The following SGSM3 variants were observed in gnomAD, a reference collection of about 807,000 sequenced individuals.
SGSM3 encodes the protein small G protein signaling modulator 3, also known as RUN and SH3 containing 3.
A neutral mutation model predicts 100.5 loss-of-function variants in SGSM3; 96 were observed. The observed-to-expected ratio is 0.96, with a 90% CI of 0.81 to 1.13. SGSM3 has a LOEUF of 1.13. Ranked by LOEUF, SGSM3 falls within the 50% of genes most tolerant of loss-of-function variation. The pLI is 0.00. For synonymous variants in SGSM3, 483 were observed against 422.8 expected, an observed-to-expected ratio of 1.14 and a Z score of -1.75; for missense variants, 1,001 against 1,015.8, an observed-to-expected ratio of 0.99 and a Z score of 0.20.
At chr22:40,403,335 G>A (rs2051001896) in intron 4 of SGSM3, among the ~76,000 whole-genome samples, 1 of 152,194 alleles carries the variant, frequency 6.6e-6, no homozygotes, top group Admixed American at 6.5e-5. Context: ...CCACAGGAGA[G>A]CTTGACCTCA....
chr22:40,394,828 C>T (rs2146914203), intron 1 of SGSM3, among the ~76,000 whole-genome samples: 1 of 152,212 alleles, frequency 6.6e-6, no homozygotes, highest in South Asian at 2.1e-4. Flanking sequence ...TGAGAGAGGC[C>T]TTCCCCAACC....
Position 40,407,860 on chromosome 22 carries a change from G to A in SGSM3, c.1579+17G>A. 6.2e-7 allele frequency: 1 copy of A among 1,603,684 alleles called. No individual in the cohort carries two copies. Among genetic ancestry groups the A allele is most frequent in the Non-Finnish European group, 8.5e-7 (1 of 1,174,360 alleles). On this transcript the variant is annotated intron_variant, in intron 14 of 21. Transcript: ENST00000248929. The surrounding 1 kb of genome is among the most constrained non-coding windows in gnomAD (Gnocchi z 4.7). ...GCCTGCGAGGTGGGGTCCTTGGTCT[G>A]CTCTTGAGCTGGGAGAGGGAGGAGG...
chr22:40,406,158 G>A lies in SGSM3; in HGVS notation c.895G>A (p.Asp299Asn). The A allele has an allele frequency of 6.2e-7, 1 of 1,614,148 alleles. No homozygotes were observed. ...VDIKLLLRIW[D>N]LFFYEGSRVL... ...CATCAAGCTGCTCCTGCGCATCTGG[G>A]ACCTGTTTTTCTACGAGGGCTCCCG... Residue 299 changes from aspartate (D) to asparagine (N), a missense_variant, in exon 9 of 22, where the codon GAC (aspartate) becomes AAC (asparagine). Transcript: ENST00000248929.
chr22:40,375,723 T>A (rs1378267336), intron 1 of SGSM3, among the ~76,000 whole-genome samples: 2 of 151,672 alleles, frequency 1.3e-5, no homozygotes, highest in Admixed American at 6.6e-5. Context: ...TCTCTAGATA[T>A]CTAATTAGCC....
intron 1 of SGSM3, among the ~76,000 whole-genome samples, chr22:40,384,686 G>A (rs996401306): frequency 1.3e-5 from 2 of 152,102 alleles, no homozygotes; most frequent in African/African-American, 4.8e-5. Flanking sequence ...AGGCTAAGGC[G>A]GGAGAATGGG....
In SGSM3 at chr22:40,404,315, C is replaced by T. The variant is rs138251871; in HGVS notation, c.226C>T (p.Arg76Trp). 167 of 1,576,818 alleles carry T rather than the reference C, an allele frequency of 1.1e-4. No homozygotes were observed. Among genetic ancestry groups the T allele is most frequent in the Middle Eastern group, 1.7e-4 (1 of 5,904 alleles). ...GATGGAGGATGCTCCACAGAGGCTGCGGTGGCAGGCCCACCTGGAGTTCAC... is the reference window on the plus strand; with the variant it reads ...GATGGAGGATGCTCCACAGAGGCTGTGGTGGCAGGCCCACCTGGAGTTCAC... The part of the protein sequence containing the change: ...PLMEDAPQRL[R>W]WQAHLEFTHN... Residue 76 changes from arginine (R) to tryptophan (W), a missense_variant, in exon 5 of 22, where the codon CGG becomes TGG. Physicochemically the swap from Arg to Trp is moderately radical, Grantham distance 101. Transcript: ENST00000248929.
intron 1 of SGSM3, 41 bp from the exon 2 acceptor site, chr22:40,400,655 A>C: frequency 1.2e-6 from 1 of 812,924 alleles, no homozygotes; most frequent in Non-Finnish European, 2.0e-6. Flanking sequence ...AAAAAAATAA[A>C]AATAAAAATA....
intron 15 of SGSM3, 30 bp from the exon 16 acceptor site, chr22:40,408,247 G>C (rs754202372): frequency 3.1e-6 from 5 of 1,611,264 alleles, no homozygotes; most frequent in Middle Eastern, 3.3e-4. Flanking sequence ...GCGTCAGGCA[G>C]GGCTTTCTCA....
At position 40,406,597 on chromosome 22, in the gene SGSM3, C is replaced by A. The variant is rs761061959; in HGVS notation, c.1120C>A (p.Leu374Met). The A allele has an allele frequency of 2.0e-5, 32 of 1,612,448 alleles. No individual in the cohort carries two copies. Among genetic ancestry groups the A allele is most frequent in the Non-Finnish European group, 2.7e-5 (32 of 1,179,452 alleles). ...VAVETQRRKH[L>M]AYLIADQGQL... is the part of the protein sequence containing the mutation. ...CGTGGAGACTCAGCGCCGCAAGCACCTGGCCTATCTCATTGCAGACCAGGG... is the reference window on the plus strand; with the variant it reads ...CGTGGAGACTCAGCGCCGCAAGCACATGGCCTATCTCATTGCAGACCAGGG... The change falls in exon 10 of 22, where the codon CTG (leucine) becomes ATG (methionine). Residue 374 changes from leucine (L) to methionine (M), a missense_variant. Coordinates refer to ENST00000248929, the MANE Select transcript of SGSM3 (RefSeq NM_015705.6).
In SGSM3 at chr22:40,403,220, TAA is replaced by T. The variant is rs1286829667; in HGVS notation, c.157+1017_157+1018del. The stretch of plus-strand genomic sequence containing the variant: ...TAACATTTGTGCATTTTACTGTAGG[TAA>T]AGTCATTAAAGTTGGTGTCTTTGAA... On this transcript the variant is annotated intron_variant, in intron 4 of 21. Transcript: ENST00000248929. 3.9e-5 allele frequency among the ~76,000 whole-genome samples: 6 copies of T among 152,238 alleles called. No homozygotes were observed. In the East Asian group the frequency reaches 1.2e-3, roughly 29 times the overall value.
rs1304692315 is a variant in SGSM3 at position 40,407,502 on chromosome 22, G to A, written c.1458G>A (p.Lys486=). The change falls in exon 13 of 22, where the codon AAG becomes AAA. Residue 486 remains lysine, a synonymous_variant. Coordinates refer to ENST00000248929, the MANE Select transcript of SGSM3 (RefSeq NM_015705.6). The surrounding 1 kb of genome is among the most constrained non-coding windows in gnomAD (Gnocchi z 4.7). ...CACGCAGCCACCGGCGCCGAGCCAAGGCCCTGCTGGACTTTGAGCGGCACG... is the reference window on the plus strand; with the variant it reads ...CACGCAGCCACCGGCGCCGAGCCAAAGCCCTGCTGGACTTTGAGCGGCACG... ...ACSRSHRRRA[K]ALLDFERHDD... The A allele has an allele frequency of 6.2e-7, 1 of 1,610,546 alleles. No individual in the cohort carries two copies. Among genetic ancestry groups the A allele is most frequent in the African/African-American group, 1.3e-5 (1 of 74,940 alleles).
chr22:40,406,274 G>A (rs1178230812), intron 9 of SGSM3, 51 bp downstream of exon 9: 11 of 1,606,084 alleles, frequency 6.8e-6, no homozygotes, highest in Non-Finnish European at 7.6e-6. Context: ...GAGATGGGGG[G>A]CAGGGGAGCA....
chr22:40,382,469 G>A (rs1026003138), intron 1 of SGSM3, among the ~76,000 whole-genome samples: 2 of 152,076 alleles, frequency 1.3e-5, no homozygotes, highest in African/African-American at 4.8e-5. Flanking sequence ...GGGACTGTTG[G>A]CCGGAGCACC....
chr22:40,408,279 C>T lies in SGSM3; in HGVS notation c.1632C>T (p.Tyr544=). 2 of 1,613,510 alleles carry T rather than the reference C, an allele frequency of 1.2e-6. No individual in the cohort carries two copies. Among genetic ancestry groups the T allele is most frequent in the South Asian group, 1.1e-5 (1 of 91,064 alleles). ...VEVLDERSKE[Y]SIAGDDSVTE... ...CTCAGACCCATCCCTCCCATCAGTA[C>T]TCCATCGCGGGGGATGACTCGGTGA... Residue 544 remains tyrosine (Y), a splice_region_variant and synonymous_variant, in exon 16 of 22, where the codon TAC becomes TAT. Coordinates refer to ENST00000248929, the MANE Select transcript of SGSM3 (RefSeq NM_015705.6).
Position 40,400,630 on chromosome 22 carries a change from C to T in SGSM3, c.-111-66C>T, listed in dbSNP as rs532302983. The T allele has an allele frequency of 4.9e-4, 291 of 599,096 alleles. 1 individual carries two copies. In the African/African-American group the frequency reaches 5.0e-3, roughly 10 times the overall value. The allele number at this position is 599,096 out of a possible 1,614,324, so 37.1% of individuals were successfully genotyped here. On this transcript the variant is annotated intron_variant, in intron 1 of 21. Coordinates refer to ENST00000248929, the MANE Select transcript of SGSM3 (RefSeq NM_015705.6). Reference sequence around the variant, plus strand: ...TGCACTCCAGCCTGAGGTGACCAAGCGAGACTCTGTCTAAAAAAAAATAAA... The same window carrying T: ...TGCACTCCAGCCTGAGGTGACCAAGTGAGACTCTGTCTAAAAAAAAATAAA...
chr22:40,379,720 T>C (rs2047245673), intron 1 of SGSM3, among the ~76,000 whole-genome samples: 1 of 152,192 alleles, frequency 6.6e-6, no homozygotes, highest in African/African-American at 2.4e-5. Context: ...TCTCTGTTCT[T>C]ATTATTAAGG....
At chr22:40,394,180 T>C (rs960321412) in intron 1 of SGSM3, among the ~76,000 whole-genome samples, 1 of 152,230 alleles carries the variant, frequency 6.6e-6, no homozygotes, top group Non-Finnish European at 1.5e-5. Flanking sequence ...TTCTGACATC[T>C]GTGAACTCCG....
intron 1 of SGSM3, among the ~76,000 whole-genome samples, chr22:40,370,920 C>A (rs1018841785): frequency 2.0e-5 from 3 of 152,180 alleles, no homozygotes; most frequent in Admixed American, 1.3e-4. Flanking sequence ...CTGCGTCCTC[C>A]GGTGCGGCCG....
chr22:40,405,898 G>C (rs992079631), intron 8 of SGSM3, 54 bp downstream of exon 8: 33 of 1,553,100 alleles, frequency 2.1e-5, no homozygotes, highest in Non-Finnish European at 2.8e-5. Flanking sequence ...GGACTCAGGC[G>C]GGTGGCCGAG....
Sources: allele counts gnomAD v4.1 joint callset (sites outside exome capture counted in the v4.1 genomes callset), GRCh38; gene constraint gnomAD v4.1.1; non-coding constraint Gnocchi (gnomAD v3.1); transcripts MANE v1.5; gene names NCBI Gene and HGNC (gene_info 2026-07-23, HGNC 2026-07-21).